PAPPA2: variants seen among roughly 807,000 people sequenced by gnomAD.
PAPPA2 encodes the protein pappalysin-2.
A neutral mutation model predicts 176.4 loss-of-function variants in PAPPA2; 86 were observed. That is an observed-to-expected ratio of 0.49 (90% CI 0.41 to 0.58). The LOEUF (loss-of-function observed/expected upper bound fraction) is 0.58, where lower values mean the gene tolerates loss of function less well. Among genes scored for constraint, PAPPA2 ranks in the 20% least tolerant of loss-of-function variants. The pLI is 0.00. For missense variants in PAPPA2, 2,073 were observed against 2,256.9 expected, an observed-to-expected ratio of 0.92 and a Z score of 1.65; for synonymous variants, 809 against 852.2, an observed-to-expected ratio of 0.95 and a Z score of 0.88.
chr1:176,603,083 T>A (rs1478599457), intron 3 of PAPPA2, among the ~76,000 whole-genome samples: 1 of 152,206 alleles, frequency 6.6e-6, no homozygotes, highest in Non-Finnish European at 1.5e-5. Context: ...GAGTGAGCCA[T>A]GTAGTCTGTC....
At chr1:176,653,554 C>T (rs1657870073) in intron 3 of PAPPA2, among the ~76,000 whole-genome samples, 1 of 151,564 alleles carries the variant, frequency 6.6e-6, no homozygotes, top group Non-Finnish European at 1.5e-5. Flanking sequence ...TCTTCATTTT[C>T]ATTCTCTTTA....
At chr1:176,767,977 G>A (rs887697764) in intron 15 of PAPPA2, among the ~76,000 whole-genome samples, 5 of 152,210 alleles carry the variant, frequency 3.3e-5, no homozygotes, top group South Asian at 2.1e-4. Flanking sequence ...ACTGGGAAGC[G>A]GGAAGGAGCA....
At chr1:176,598,040 C>T (rs1654078386) in intron 3 of PAPPA2, among the ~76,000 whole-genome samples, 1 of 152,136 alleles carries the variant, frequency 6.6e-6, no homozygotes, top group Non-Finnish European at 1.5e-5. Context: ...ATAAGTGACT[C>T]TTTTACCCCC....
chr1:176,551,181 C>T (rs6671694), intron 1 of PAPPA2, among the ~76,000 whole-genome samples: 116,116 of 152,198 alleles, frequency 0.76, 45,445 homozygotes, highest in East Asian at 1. Context: ...GCACCAGAGC[C>T]AGGGGAGCAG....
chr1:176,816,828 A>G (rs1666424780), intron 21 of PAPPA2, among the ~76,000 whole-genome samples: 3 of 152,164 alleles, frequency 2.0e-5, no homozygotes, highest in South Asian at 2.1e-4. Context: ...GATAGAGAAG[A>G]TGTCTCTTAC....
At chr1:176,661,115 A>G (rs1030283751) in intron 3 of PAPPA2, among the ~76,000 whole-genome samples, 2 of 152,178 alleles carry the variant, frequency 1.3e-5, no homozygotes, top group African/African-American at 2.4e-5. Flanking sequence ...AGCACTTGCA[A>G]TTTCTCTTTG....
intron 3 of PAPPA2, among the ~76,000 whole-genome samples, chr1:176,634,611 A>T (rs571179052): frequency 6.7e-6 from 1 of 149,502 alleles, no homozygotes; most frequent in African/African-American, 2.5e-5. Context: ...TATATAAAAT[A>T]AAAAAAAACA....
intron 21 of PAPPA2, among the ~76,000 whole-genome samples, chr1:176,815,943 G>A (rs1231060242): frequency 6.6e-6 from 1 of 151,772 alleles, no homozygotes; most frequent in African/African-American, 2.4e-5. Context: ...GAGTCTCAGA[G>A]GGATGCCTTT....
chr1:176,570,481 C>T (rs1652256386), intron 2 of PAPPA2, among the ~76,000 whole-genome samples: 1 of 152,132 alleles, frequency 6.6e-6, no homozygotes, highest in Admixed American at 6.5e-5. Context: ...AAACACTAAC[C>T]ACAGCAGAGC....
chr1:176,616,258 C>T (rs1383114565), intron 3 of PAPPA2: 7 of 471,216 alleles, frequency 1.5e-5, no homozygotes, highest in Admixed American at 1.3e-4. Flanking sequence ...TAGCATTAGG[C>T]ACCCCAGTTT....
chr1:176,501,729 T>C (rs929133635), intron 1 of PAPPA2, among the ~76,000 whole-genome samples: 2 of 152,184 alleles, frequency 1.3e-5, no homozygotes, highest in Non-Finnish European at 2.9e-5. Context: ...CTTTGTGGCC[T>C]TGACCATTCC....
intron 3 of PAPPA2, among the ~76,000 whole-genome samples, chr1:176,637,722 A>C (rs576809458): frequency 2.0e-5 from 3 of 152,136 alleles, no homozygotes; most frequent in African/African-American, 7.2e-5. Context: ...TATGTTTTGC[A>C]TGGGTACTAT....
chr1:176,611,068 C>G (rs1025321953), intron 3 of PAPPA2, among the ~76,000 whole-genome samples: 2 of 152,154 alleles, frequency 1.3e-5, no homozygotes, highest in African/African-American at 4.8e-5. Context: ...TCTGGGCTCC[C>G]TCCATGTTAA....
chr1:176,619,351 G>A (rs1219830152), intron 3 of PAPPA2, among the ~76,000 whole-genome samples: 1 of 152,172 alleles, frequency 6.6e-6, no homozygotes, highest in Non-Finnish European at 1.5e-5. Context: ...CTACTATATG[G>A]CAAGGTGTTC....
chr1:176,678,942 A>G (rs2102787049), intron 4 of PAPPA2, among the ~76,000 whole-genome samples: 1 of 152,312 alleles, frequency 6.6e-6, no homozygotes, highest in South Asian at 2.1e-4. Flanking sequence ...AGAGATTTGA[A>G]GAAGAGAATT....
chr1:176,755,700 G>A (rs1331441815), intron 14 of PAPPA2, among the ~76,000 whole-genome samples: 2 of 152,146 alleles, frequency 1.3e-5, no homozygotes, highest in African/African-American at 2.4e-5. Context: ...GAGGAGAAAA[G>A]CATTTAGAGT....
intron 17 of PAPPA2, among the ~76,000 whole-genome samples, chr1:176,777,388 T>C (rs1664506984): frequency 6.6e-6 from 1 of 152,158 alleles, no homozygotes; most frequent in African/African-American, 2.4e-5. Flanking sequence ...TGGTCCATTG[T>C]TTTCCATTCA....
At chr1:176,717,642 C>G (rs1290254809) in intron 12 of PAPPA2, among the ~76,000 whole-genome samples, 1 of 152,256 alleles carries the variant, frequency 6.6e-6, no homozygotes, top group Non-Finnish European at 1.5e-5. Flanking sequence ...CTCTCCTTGG[C>G]TAAGCCCCAG....
Position 176,595,300 on chromosome 1 carries a change from C to G in PAPPA2, c.1696C>G (p.Gln566Glu), listed in dbSNP as rs1477560984. 1 of 1,614,238 alleles carries G rather than the reference C, an allele frequency of 6.2e-7. No homozygotes were observed. Among genetic ancestry groups the G allele is most frequent in the Non-Finnish European group, 8.5e-7 (1 of 1,180,046 alleles). The change falls in exon 3 of 23, where the codon CAG becomes GAG. Residue 566 changes from glutamine (Q) to glutamate (E), a missense_variant. Gln to Glu is a conservative substitution (Grantham distance 29, BLOSUM62 2). Coordinates refer to ENST00000367662, the MANE Select transcript of PAPPA2 (RefSeq NM_020318.3). ...CTTCAGCCGCTACAACATCAGCTGG[C>G]AGCTGAGCGTCCACCAGGTCCACAA... ...EAFSRYNISW[Q>E]LSVHQVHNST...
Sources: gnomAD v4.1 joint callset for allele counts (sites outside exome capture counted in the v4.1 genomes callset) on GRCh38, gnomAD v4.1.1 for gene constraint, MANE v1.5 for transcripts, NCBI Gene and HGNC (gene_info 2026-07-23, HGNC 2026-07-21) for gene names.